The following NR2C2 variants were observed in gnomAD, a reference collection of about 807,000 sequenced individuals.
NR2C2 encodes nuclear receptor subfamily 2 group C member 2, also known as Nuclear hormone receptor TR4.
Under a neutral mutation model 62.9 loss-of-function variants are expected in NR2C2, and 6 were observed. The observed-to-expected ratio is 0.10, with a 90% confidence interval of 0.05 to 0.19. The LOEUF is 0.19. NR2C2 is among the 10% of genes least tolerant of loss of function. The pLI is 1.00. For missense variants in NR2C2, 479 were observed against 762.7 expected (o/e 0.63, Z 4.38); for synonymous variants, 272 against 273.8 (o/e 0.99, Z 0.07).
At chr3:15,023,602 CG>C (rs1559299564) in intron 6 of NR2C2, among the ~76,000 whole-genome samples, 1 of 152,218 alleles carries the variant, frequency 6.6e-6, no homozygotes, top group African/African-American at 2.4e-5. Context: ...ATCATTCATA[CG>C]GAAGACAATT....
intron 1 of NR2C2, among the ~76,000 whole-genome samples, chr3:14,991,762 CTTTTTCTTTTTTTTTTTTTT>C (rs1416715202): frequency 8.5e-6 from 1 of 117,062 alleles, no homozygotes; most frequent in Non-Finnish European, 1.8e-5. Context: ...TTTTTTTTTT[CTTTTTCTTTTTTTTTTTTTT>C]GGAGATAGGG....
chr3:14,971,609 A>C (rs887262402), intron 1 of NR2C2, among the ~76,000 whole-genome samples: 8 of 151,694 alleles, frequency 5.3e-5, no homozygotes, highest in African/African-American at 1.7e-4. Flanking sequence ...CCAGCAGTGC[A>C]CAAGGGTTCT....
chr3:14,984,115 C>G (rs189131330), intron 1 of NR2C2, among the ~76,000 whole-genome samples: 1 of 151,994 alleles, frequency 6.6e-6, no homozygotes, highest in African/African-American at 2.4e-5. Flanking sequence ...CTCGAACTCC[C>G]GACCTCAGGT....
chr3:15,032,524 G>A (rs995244596), intron 10 of NR2C2, 24 bp downstream of exon 10: 17 of 1,614,128 alleles, frequency 1.1e-5, no homozygotes, highest in Admixed American at 3.3e-5. Flanking sequence ...TGCTGTGCAT[G>A]TATCCTCGGG....
At chr3:14,959,902 A>G (rs994559234) in intron 1 of NR2C2, among the ~76,000 whole-genome samples, 1 of 152,224 alleles carries the variant, frequency 6.6e-6, no homozygotes, top group Non-Finnish European at 1.5e-5. Context: ...CAGAGATGGC[A>G]TTTCAGATCA....
intron 1 of NR2C2, among the ~76,000 whole-genome samples, chr3:14,991,742 CTTTTTTCTTTTTT>C (rs529640095): frequency 4.1e-4 from 61 of 147,848 alleles, no homozygotes; most frequent in Non-Finnish European, 7.3e-4. Flanking sequence ...TTTTTAATCC[CTTTTTTCTTTTTT>C]TTTTTTCTTT....
intron 1 of NR2C2, among the ~76,000 whole-genome samples, chr3:14,960,839 T>A (rs1489362361): frequency 6.6e-6 from 1 of 152,236 alleles, no homozygotes; most frequent in African/African-American, 2.4e-5. Flanking sequence ...CATGCAATAC[T>A]TGTATTTTTA....
At chr3:14,998,870 C>T (rs1328694149) in intron 1 of NR2C2, among the ~76,000 whole-genome samples, 3 of 151,986 alleles carry the variant, frequency 2.0e-5, no homozygotes, top group East Asian at 1.9e-4. Flanking sequence ...AATTAGGTGG[C>T]GCACGCCCAT....
intron 1 of NR2C2, among the ~76,000 whole-genome samples, chr3:14,966,732 T>C (rs970093390): frequency 1.3e-5 from 2 of 152,190 alleles, no homozygotes; most frequent in African/African-American, 4.8e-5. Context: ...AAGTGGCAAA[T>C]ACCAAGGTAA....
At chr3:15,031,151 T>C (rs1012177868) in intron 9 of NR2C2, among the ~76,000 whole-genome samples, 1 of 152,100 alleles carries the variant, frequency 6.6e-6, no homozygotes, top group African/African-American at 2.4e-5. Flanking sequence ...AACCCTCATA[T>C]AAAATCTACA....
At position 15,048,886 on chromosome 3, in the gene NR2C2, T is replaced by G. The variant is rs775768528; in HGVS notation, c.*5878T>G. 2.2e-4 allele frequency: 33 copies of G among 152,598 alleles called. No homozygotes were observed. Among genetic ancestry groups the G allele is most frequent in the African/African-American group, 7.2e-4 (30 of 41,426 alleles). The allele number at this position is 152,598 out of a possible 1,614,324, so 9.5% of individuals were successfully genotyped here. A position where few individuals can be genotyped will look rare whatever the true frequency, so the allele number is the denominator to read the frequency against. On this transcript the variant is annotated 3_prime_UTR_variant, in exon 14 of 14. Coordinates refer to ENST00000425241, the MANE Select transcript of NR2C2 (RefSeq NM_001291694.2). Reference sequence around the variant, plus strand: ...AGGCATCTATCTATCAAAGGAAAATTTGGGTGTTAGATTTTCTTGGGACCG... The same window carrying G: ...AGGCATCTATCTATCAAAGGAAAATGTGGGTGTTAGATTTTCTTGGGACCG...
chr3:14,986,512 C>T (rs1011632147), intron 1 of NR2C2, among the ~76,000 whole-genome samples: 2 of 152,128 alleles, frequency 1.3e-5, no homozygotes, highest in African/African-American at 4.8e-5. Flanking sequence ...GATGTCCTTG[C>T]AAAAGATCCA....
At chr3:14,950,088 G>A (rs1559521741) in intron 1 of NR2C2, among the ~76,000 whole-genome samples, 1 of 152,110 alleles carries the variant, frequency 6.6e-6, no homozygotes, top group Non-Finnish European at 1.5e-5. Flanking sequence ...AGCAAATACT[G>A]TGTAAATAGA....
intron 1 of NR2C2, among the ~76,000 whole-genome samples, chr3:14,980,821 A>G (rs1239402940): frequency 2.0e-5 from 3 of 152,372 alleles, no homozygotes; most frequent in African/African-American, 7.2e-5. Flanking sequence ...GAGGGGAACC[A>G]TGCAATGAGC....
intron 2 of NR2C2, among the ~76,000 whole-genome samples, chr3:15,012,517 C>T (rs577524501): frequency 2.6e-5 from 4 of 151,004 alleles, no homozygotes; most frequent in East Asian, 3.9e-4. Flanking sequence ...TGAGCCACTG[C>T]GTCCGGCTGG....
chr3:14,988,871 A>G lies in NR2C2; in HGVS notation c.-39-15005A>G, dbSNP rs1319746497. ...ATTGTTTTATGTTAGTGCACATGCA[A>G]ACTTCTGTTTGTATGTGTGGAGTGG... On this transcript the variant is annotated intron_variant, in intron 1 of 13. Coordinates refer to ENST00000425241, the MANE Select transcript of NR2C2 (RefSeq NM_001291694.2). Among the ~76,000 whole-genome samples, 12 of 152,138 alleles carry G rather than the reference A, an allele frequency of 7.9e-5. 1 individual carries two copies. The South Asian group carries it at 8.3e-4, about 11-fold the overall frequency.
chr3:15,013,511 C>A, intron 2 of NR2C2, 78 bp from the exon 3 acceptor site: 1 of 1,307,504 alleles, frequency 7.6e-7, no homozygotes, highest in Non-Finnish European at 1.1e-6. Context: ...TTTTGGCAGT[C>A]ACCACTTTGA....
rs978207302 is a variant in NR2C2, at chr3:14,993,457, A to G, written c.-39-10419A>G. ...CGACAGGAGCAAAACTCCATCTCAAAAAAAAAAAAAAGAAATGTTTCTGGA... is the reference window on the plus strand; with the variant it reads ...CGACAGGAGCAAAACTCCATCTCAAGAAAAAAAAAAAGAAATGTTTCTGGA... On this transcript the variant is annotated intron_variant, in intron 1 of 13. Transcript: ENST00000425241. Among the ~76,000 whole-genome samples the G allele has an allele frequency of 2.1e-4, 32 of 151,358 alleles. 3 individuals carry two copies. The highest frequency in any genetic ancestry group is 2.1e-3 in the South Asian group (10 of 4,814).
rs199626604 is a variant in NR2C2 at position 15,042,897 on chromosome 3, A to G, written c.1680A>G (p.Glu560=). 1 of 1,613,854 alleles carries G rather than the reference A, an allele frequency of 6.2e-7. No individual in the cohort carries two copies. Among genetic ancestry groups the G allele is most frequent in the Non-Finnish European group, 8.5e-7 (1 of 1,179,956 alleles). The stretch of plus-strand genomic sequence containing the variant: ...TGATGAGCTCCAACATAACAGAAGA[A>G]CTTTTTTTTACTGGTCTCATTGGCA... The part of the protein sequence containing the change: ...LRLMSSNITE[E]LFFTGLIGNV... The change falls in exon 14 of 14, where the codon GAA becomes GAG. Residue 560 remains glutamate (E), a synonymous_variant. Transcript: ENST00000425241.
Sources: gnomAD v4.1 joint callset for allele counts (sites outside exome capture counted in the v4.1 genomes callset) on GRCh38, gnomAD v4.1.1 for gene constraint, MANE v1.5 for transcripts, NCBI Gene and HGNC (gene_info 2026-07-23, HGNC 2026-07-21) for gene names.